SCFD2: variants seen among roughly 807,000 people sequenced by gnomAD.
SCFD2 encodes sec1 family domain-containing protein 2.
Under a neutral mutation model 58.9 loss-of-function variants are expected in SCFD2, and 54 were observed. The observed-to-expected ratio is 0.92, with a 90% CI of 0.74 to 1.15. The LOEUF (loss-of-function observed/expected upper bound fraction) is 1.15, where lower values mean the gene tolerates loss of function less well. SCFD2 is among the 50% of genes most tolerant of loss of function. The pLI, the probability that SCFD2 is intolerant of heterozygous loss-of-function variation, is 0.00. For missense variants in SCFD2, 805 were observed against 836.6 expected (o/e 0.96, Z 0.47); for synonymous variants, 321 against 335.9 (o/e 0.96, Z 0.49).
intron 4 of SCFD2, among the ~76,000 whole-genome samples, chr4:53,159,397 C>T (rs1168604742): frequency 6.6e-6 from 1 of 152,122 alleles, no homozygotes; most frequent in Non-Finnish European, 1.5e-5. Flanking sequence ...TACACATTTT[C>T]GTCTCCAGGG....
intron 5 of SCFD2, among the ~76,000 whole-genome samples, chr4:53,048,720 C>G (rs2148830251): frequency 6.6e-6 from 1 of 152,296 alleles, no homozygotes; most frequent in Non-Finnish European, 1.5e-5. Context: ...TTCGATGGCC[C>G]TCCAGGCCCT....
intron 1 of SCFD2, among the ~76,000 whole-genome samples, chr4:53,354,309 T>C (rs1734335952): frequency 6.6e-6 from 1 of 152,208 alleles, no homozygotes; most frequent in Non-Finnish European, 1.5e-5. Flanking sequence ...CAGCGCACCC[T>C]CTGCAGCTGC....
intron 5 of SCFD2, among the ~76,000 whole-genome samples, chr4:52,926,324 G>A (rs301133): frequency 0.27 from 40,220 of 151,686 alleles, 5,995 homozygotes; most frequent in East Asian, 0.52. Flanking sequence ...TCAGAAGGGT[G>A]CTTCAGTCTG....
chr4:53,237,646 G>A (rs1237105736), intron 4 of SCFD2, among the ~76,000 whole-genome samples: 5 of 136,902 alleles, frequency 3.7e-5, no homozygotes, highest in East Asian at 2.3e-4. Context: ...GCGGGGGGCT[G>A]ACCCCCCCAC....
chr4:53,167,285 T>A (rs868057149), intron 4 of SCFD2, among the ~76,000 whole-genome samples: 1 of 152,244 alleles, frequency 6.6e-6, no homozygotes, highest in Admixed American at 6.5e-5. Context: ...CACCTTACAA[T>A]GATTTCCAGA....
At chr4:53,228,768 C>G (rs1391441819) in intron 4 of SCFD2, among the ~76,000 whole-genome samples, 1 of 152,070 alleles carries the variant, frequency 6.6e-6, no homozygotes, top group African/African-American at 2.4e-5. Flanking sequence ...AAGTTCTGGT[C>G]AGGGCAATCA....
At chr4:52,928,179 T>A (rs1719905396) in intron 5 of SCFD2, among the ~76,000 whole-genome samples, 1 of 151,690 alleles carries the variant, frequency 6.6e-6, no homozygotes, top group Non-Finnish European at 1.5e-5. Context: ...TACAAAAAAA[T>A]TTAAAAAAAT....
At chr4:52,917,351 G>A (rs912587211) in intron 6 of SCFD2, among the ~76,000 whole-genome samples, 5 of 152,176 alleles carry the variant, frequency 3.3e-5, no homozygotes, top group African/African-American at 1.2e-4. Context: ...AGTTAGTAGA[G>A]GGGACAGTTG....
chr4:53,276,301 C>T (rs1036952157), intron 3 of SCFD2, among the ~76,000 whole-genome samples: 1 of 151,842 alleles, frequency 6.6e-6, no homozygotes, highest in Non-Finnish European at 1.5e-5. Context: ...AGGGTTCATG[C>T]TTTTTAGGTA....
At chr4:52,882,115 CTG>C (rs1208483096) in intron 8 of SCFD2, among the ~76,000 whole-genome samples, 2 of 152,088 alleles carry the variant, frequency 1.3e-5, no homozygotes, top group Non-Finnish European at 2.9e-5. Flanking sequence ...GGGAGAAAAA[CTG>C]GGGTTGAGGA....
chr4:53,211,293 T>C (rs907096745), intron 4 of SCFD2, among the ~76,000 whole-genome samples: 2 of 150,664 alleles, frequency 1.3e-5, no homozygotes, highest in Non-Finnish European at 2.9e-5. Context: ...TCCAGATAGC[T>C]GAACCCTTGG....
At chr4:53,025,324 A>G (rs1481711541) in intron 5 of SCFD2, among the ~76,000 whole-genome samples, 4 of 152,246 alleles carry the variant, frequency 2.6e-5, no homozygotes, top group Admixed American at 2.0e-4. Flanking sequence ...GAAATTAGAA[A>G]ATCAACATTA....
chr4:52,958,282 G>A (rs1356550412), intron 5 of SCFD2, among the ~76,000 whole-genome samples: 1 of 152,164 alleles, frequency 6.6e-6, no homozygotes, highest in African/African-American at 2.4e-5. Context: ...ATTAAAATCT[G>A]ACTGAGTTGT....
At position 53,365,704 on chromosome 4, in the gene SCFD2, G is replaced by A. The variant is rs371186846; in HGVS notation, c.238C>T (p.Leu80=). 84 of 1,614,084 alleles carry A rather than the reference G, an allele frequency of 5.2e-5. No individual in the cohort carries two copies. The highest frequency in any genetic ancestry group is 6.7e-5 in the Non-Finnish European group (79 of 1,180,048). ...ATCTCCACGGTCCGGCCTTTCAGCA[G>A]GCAGCTCAGCACAAACACTGCCTTG... The part of the protein sequence containing the change: ...QPKAVFVLSC[L]LKGRTVEILR... The change falls in exon 1 of 9, where the codon CTG becomes TTG. Residue 80 remains leucine, a synonymous_variant. Transcript: ENST00000401642. The surrounding 1 kb of genome is among the most constrained non-coding windows in gnomAD (Gnocchi z 4.3).
intron 5 of SCFD2, among the ~76,000 whole-genome samples, chr4:52,972,531 C>G (rs1278227846): frequency 6.6e-6 from 1 of 152,096 alleles, no homozygotes; most frequent in Non-Finnish European, 1.5e-5. Flanking sequence ...TCCTTAGAGA[C>G]CTACAAAGAG....
In SCFD2 at chr4:53,022,437, C is replaced by T. The variant is rs536308975; in HGVS notation, c.1562-101567G>A. ...CGTGTGTTCCAATTATTCCTTTTTG[C>T]TTGCTTGGTTTTCTGAGAAATCTGT... On this transcript the variant is annotated intron_variant, in intron 5 of 8. Coordinates refer to ENST00000401642, the MANE Select transcript of SCFD2 (RefSeq NM_152540.4). Among the ~76,000 whole-genome samples, 89 of 152,204 alleles carry T rather than the reference C, an allele frequency of 5.8e-4. 1 individual carries two copies. Among genetic ancestry groups the T allele is most frequent in the Non-Finnish European group, 7.2e-4 (49 of 67,990 alleles).
At chr4:53,346,114 AAAAT>A (rs750461195) in intron 2 of SCFD2, among the ~76,000 whole-genome samples, 43 of 101,280 alleles carry the variant, frequency 4.2e-4, no homozygotes, top group Non-Finnish European at 8.2e-4. Context: ...AAAAGTTTAA[AAAAT>A]AAATAAAAGA....
chr4:53,218,911 C>G (rs1374290167), intron 4 of SCFD2, among the ~76,000 whole-genome samples: 2 of 152,190 alleles, frequency 1.3e-5, no homozygotes, highest in Non-Finnish European at 2.9e-5. Context: ...CACTCCAGAC[C>G]CTGTTTGCCT....
Position 52,877,035 on chromosome 4 carries a change from G to A in SCFD2, c.1963-2974C>T, listed in dbSNP as rs768126717. On this transcript the variant is annotated intron_variant, in intron 8 of 8. Transcript: ENST00000401642. ...CTAGGGTACGTCTCCATCCCCATGG[G>A]TGCTAAGTCTTCTCAGCAGGTTTGA... Among the ~76,000 whole-genome samples, 96 of 152,174 alleles carry A rather than the reference G, an allele frequency of 6.3e-4. 1 individual carries two copies. The highest frequency in any genetic ancestry group is 1.9e-4 in the Non-Finnish European group (13 of 68,050).
Sources: gnomAD v4.1 joint callset for allele counts (sites outside exome capture counted in the v4.1 genomes callset) on GRCh38, gnomAD v4.1.1 for gene constraint, Gnocchi (gnomAD v3.1) non-coding constraint, MANE v1.5 for transcripts, NCBI Gene and HGNC (gene_info 2026-07-23, HGNC 2026-07-21) for gene names.